TAMM41: variants seen among roughly 807,000 people sequenced by gnomAD.
TAMM41 encodes phosphatidate cytidylyltransferase, mitochondrial.
Under a neutral mutation model 44.1 loss-of-function variants are expected in TAMM41, and 36 were observed. The observed-to-expected ratio is 0.82, with a 90% confidence interval of 0.63 to 1.08. TAMM41 has a LOEUF of 1.08. Among genes scored for constraint, TAMM41 ranks in the 50% least tolerant of loss-of-function variants. TAMM41 has a pLI of 0.00. For missense variants in TAMM41, 417 were observed against 404.3 expected (o/e 1.03, Z -0.27); for synonymous variants, 164 against 153.1 (o/e 1.07, Z -0.53).
chr3:11,754,521 C>T, the TAMM41 span, among the ~76,000 whole-genome samples: 1 of 144,180 alleles, frequency 6.9e-6, no homozygotes, highest in Non-Finnish European at 1.5e-5. Flanking sequence ...CAGTCCATCA[C>T]GTCTGGCTGA....
At chr3:11,800,308 C>T (rs746796538) in intron 7 of TAMM41, among the ~76,000 whole-genome samples, 6 of 151,988 alleles carry the variant, frequency 3.9e-5, no homozygotes, top group Non-Finnish European at 7.4e-5. Flanking sequence ...CAAAACCTCA[C>T]ATATCAATAT....
the TAMM41 span, among the ~76,000 whole-genome samples, chr3:11,741,237 A>AAAAAAAC: frequency 6.8e-6 from 1 of 147,000 alleles, no homozygotes; most frequent in Non-Finnish European, 1.5e-5. Flanking sequence ...AAAAAAAAAA[A>AAAAAAAC]AATCAGGGCT....
At chr3:11,781,521 G>A in the TAMM41 span, among the ~76,000 whole-genome samples, 2 of 152,032 alleles carry the variant, frequency 1.3e-5, no homozygotes, top group East Asian at 3.9e-4. Flanking sequence ...GATCACCTGA[G>A]GTCAGGAGTT....
intron 4 of TAMM41, among the ~76,000 whole-genome samples, chr3:11,821,732 T>C (rs575140226): frequency 6.6e-6 from 1 of 152,294 alleles, no homozygotes; most frequent in Non-Finnish European, 1.5e-5. Context: ...CGGCTAACTT[T>C]TCTCCCTTTA....
chr3:11,829,872 A>G lies in TAMM41; in HGVS notation c.412-8T>C. The G allele has an allele frequency of 6.2e-7, 1 of 1,613,744 alleles. No homozygotes were observed. The highest frequency in any genetic ancestry group is 1.1e-5 in the South Asian group (1 of 91,064). ...CACTGAGATAATTTTCACCTGAAAG[A>G]AGCAGAACATTGGGAAGAAAAATTC... On this transcript the variant is annotated splice_polypyrimidine_tract_variant and splice_region_variant and intron_variant, in intron 3 of 7. Transcript: ENST00000455809.
the TAMM41 span, among the ~76,000 whole-genome samples, chr3:11,728,525 C>T: frequency 3.9e-5 from 6 of 152,338 alleles, no homozygotes; most frequent in Non-Finnish European, 7.3e-5. Context: ...AAAATTAATC[C>T]TCTTCCTTTC....
chr3:11,807,398 G>C, intron 7 of TAMM41: 2 of 1,524,372 alleles, frequency 1.3e-6, no homozygotes, highest in East Asian at 2.4e-5. Flanking sequence ...CGTAGAGAAG[G>C]AGCAACGAAA....
At chr3:11,763,095 T>C in the TAMM41 span, among the ~76,000 whole-genome samples, 5 of 152,212 alleles carry the variant, frequency 3.3e-5, no homozygotes, top group Admixed American at 3.3e-4. Flanking sequence ...CCTCCCAGTG[T>C]AGACACAGAT....
At chr3:11,846,146 G>A (rs1170909759) in intron 1 of TAMM41, among the ~76,000 whole-genome samples, 2 of 152,230 alleles carry the variant, frequency 1.3e-5, no homozygotes, top group Non-Finnish European at 2.9e-5. Context: ...CGGAAGCCGA[G>A]CATTAGGATT....
At chr3:11,780,816 C>T in the TAMM41 span, among the ~76,000 whole-genome samples, 2 of 152,196 alleles carry the variant, frequency 1.3e-5, no homozygotes, top group East Asian at 1.9e-4. Context: ...ATTGGGACAA[C>T]TCTCCAGGGC....
At chr3:11,750,940 C>G in the TAMM41 span, among the ~76,000 whole-genome samples, 9 of 151,804 alleles carry the variant, frequency 5.9e-5, no homozygotes, top group Non-Finnish European at 1.0e-4. Flanking sequence ...AGGGCTTTAT[C>G]TGGCAGTGCC....
chr3:11,797,626 A>C (rs1399730138), intron 7 of TAMM41, among the ~76,000 whole-genome samples: 1 of 152,244 alleles, frequency 6.6e-6, no homozygotes, highest in Non-Finnish European at 1.5e-5. Flanking sequence ...AACAAAAGCA[A>C]AAATTTTAAA....
chr3:11,722,693 A>T, the TAMM41 span, among the ~76,000 whole-genome samples: 4 of 152,262 alleles, frequency 2.6e-5, no homozygotes, highest in East Asian at 7.7e-4. Flanking sequence ...AAAAATGGTC[A>T]GGCGTGGTGG....
rs371909293 is a variant in TAMM41, at chr3:11,844,205, T to C, written c.142A>G (p.Met48Val). The C allele has an allele frequency of 2.9e-5, 47 of 1,613,776 alleles. 1 individual carries two copies. The highest frequency in any genetic ancestry group is 3.8e-5 in the Non-Finnish European group (45 of 1,179,912). The change falls in exon 2 of 8, where the codon ATG becomes GTG. Residue 48 changes from methionine (M) to valine (V), a missense_variant. Transcript: ENST00000455809. The stretch of plus-strand genomic sequence containing the variant: ...TCTACTGTGAACACAAAGTCCAGCA[T>C]AGCATTCTGTGGAGTGAAGAAAAGA... Reference protein sequence around the residue: ...AGPSSDQKNAMLDFVFTVDDP... With the variant: ...AGPSSDQKNAVLDFVFTVDDP...
intron 4 of TAMM41, among the ~76,000 whole-genome samples, chr3:11,820,635 G>T (rs2078478070): frequency 6.6e-6 from 1 of 152,132 alleles, no homozygotes; most frequent in Non-Finnish European, 1.5e-5. Flanking sequence ...GGAAGCAAAT[G>T]GGCTTATGAC....
chr3:11,731,983 C>T, the TAMM41 span, among the ~76,000 whole-genome samples: 1 of 151,916 alleles, frequency 6.6e-6, no homozygotes, highest in Non-Finnish European at 1.5e-5. Context: ...TCTCATGCCT[C>T]AGCCTCCCAA....
At chr3:11,781,101 T>C in the TAMM41 span, among the ~76,000 whole-genome samples, 1 of 152,186 alleles carries the variant, frequency 6.6e-6, no homozygotes, top group Admixed American at 6.5e-5. Context: ...GCCTCCTCTC[T>C]GGGAATAGGC....
the TAMM41 span, among the ~76,000 whole-genome samples, chr3:11,750,196 G>A: frequency 9.2e-5 from 14 of 151,864 alleles, no homozygotes; most frequent in Admixed American, 2.0e-4. Context: ...GTGCCCAGTC[G>A]GGAGTGTCTG....
At chr3:11,816,095 A>T (rs1020818753) in intron 5 of TAMM41, among the ~76,000 whole-genome samples, 3 of 152,136 alleles carry the variant, frequency 2.0e-5, no homozygotes, top group Non-Finnish European at 2.9e-5. Flanking sequence ...CTATTTTTTT[A>T]AATTCCCTTT....
Sources: gnomAD v4.1 joint callset for allele counts (sites outside exome capture counted in the v4.1 genomes callset) on GRCh38, gnomAD v4.1.1 for gene constraint, MANE v1.5 for transcripts, NCBI Gene and HGNC (gene_info 2026-07-23, HGNC 2026-07-21) for gene names.